The following OSTF1 variants were observed in gnomAD, a reference collection of about 807,000 sequenced individuals.
The protein encoded by OSTF1 is osteoclast-stimulating factor 1.
OSTF1 carries 27 observed loss-of-function variants against 37.2 expected under a neutral mutation model. The observed-to-expected ratio is 0.73, with a 90% CI of 0.54 to 1.00. OSTF1 has a LOEUF of 1.00. OSTF1 is among the 50% of genes least tolerant of loss of function. The pLI is 0.00. For missense variants in OSTF1, 232 were observed against 253.8 expected (o/e 0.91, Z 0.58); for synonymous variants, 82 against 89.2 (o/e 0.92, Z 0.46).
rs143736779 is a variant in OSTF1 at position 75,141,098 on chromosome 9, A to T, written c.586+166A>T. 2.6e-5 allele frequency among the ~76,000 whole-genome samples: 4 copies of T among 152,196 alleles called. No homozygotes were observed. The East Asian group carries it at 7.7e-4, about 29-fold the overall frequency. ...AGGTTCACTTGAGCCCAGGAGTTGG[A>T]GACCAGCCTGAGCAATAAAGTGAGA... On this transcript the variant is annotated intron_variant, in intron 9 of 9. Transcript: ENST00000346234.
At chr9:75,136,948 G>A (rs1036766064) in intron 7 of OSTF1, among the ~76,000 whole-genome samples, 5 of 152,168 alleles carry the variant, frequency 3.3e-5, no homozygotes, top group Non-Finnish European at 5.9e-5. Flanking sequence ...ACCTGAGAGA[G>A]GGGTCTTACT....
At position 75,093,061 on chromosome 9, in the gene OSTF1, TTTC is replaced by T. The variant is rs746477186; in HGVS notation, c.34+4338_34+4340del. Among the ~76,000 whole-genome samples, 185 of 109,614 alleles carry T rather than the reference TTTC, an allele frequency of 1.7e-3. 2 individuals are homozygous for T. The highest frequency in any genetic ancestry group is 3.8e-3 in the South Asian group (16 of 4,256). The allele number at this position is 109,614 out of a possible 152,430, so 71.9% of individuals were successfully genotyped here. ...TTCTTTCTCTCTCTCTCTTTCTTTCTTTCTTTTTTTTTTTTTGGAGATGGGATT... is the reference window on the plus strand; with the variant it reads ...TTCTTTCTCTCTCTCTCTTTCTTTCTTTTTTTTTTTTTTGGAGATGGGATT... On this transcript the variant is annotated intron_variant, in intron 1 of 9. Transcript: ENST00000346234.
Position 75,133,271 on chromosome 9 carries a change from TTGTAAA to T in OSTF1, c.251-16_251-11del. ...AGTGAAAGCTTTTTTTCTTGTGTTC[TTGTAAA>T]TGTAAAATTCTTTCAGGCAACTTGA... On this transcript the variant is annotated splice_polypyrimidine_tract_variant and intron_variant, in intron 5 of 9. Coordinates refer to ENST00000346234, the MANE Select transcript of OSTF1 (RefSeq NM_012383.5). The T allele has an allele frequency of 1.4e-6, 2 of 1,412,290 alleles. No homozygotes were observed. Among genetic ancestry groups the T allele is most frequent in the Non-Finnish European group, 2.0e-6 (2 of 1,007,100 alleles). The allele number at this position is 1,412,290 out of a possible 1,614,324, so 87.5% of individuals were successfully genotyped here.
chr9:75,142,043 C>T (rs1245573599), intron 9 of OSTF1, among the ~76,000 whole-genome samples: 1 of 152,218 alleles, frequency 6.6e-6, no homozygotes, highest in Non-Finnish European at 1.5e-5. Context: ...CCGCTGTGCC[C>T]AGCCTCCTTT....
At chr9:75,107,493 A>T (rs993540334) in intron 1 of OSTF1, among the ~76,000 whole-genome samples, 5 of 152,134 alleles carry the variant, frequency 3.3e-5, no homozygotes, top group African/African-American at 1.2e-4. Context: ...GAGCTCTAAG[A>T]TTGCTTGCAA....
chr9:75,144,299 T>C (rs1825987402), intron 9 of OSTF1, among the ~76,000 whole-genome samples: 1 of 152,134 alleles, frequency 6.6e-6, no homozygotes, highest in African/African-American at 2.4e-5. Flanking sequence ...CTCACACCTG[T>C]AATCCCAGCA....
At chr9:75,144,073 A>G (rs1379712337) in intron 9 of OSTF1, among the ~76,000 whole-genome samples, 2 of 152,184 alleles carry the variant, frequency 1.3e-5, no homozygotes, top group South Asian at 2.1e-4. Flanking sequence ...GAGTTTTCCT[A>G]TTTGTCTCTC....
intron 7 of OSTF1, among the ~76,000 whole-genome samples, chr9:75,135,972 T>G (rs1393143952): frequency 6.6e-6 from 1 of 152,220 alleles, no homozygotes; most frequent in African/African-American, 2.4e-5. Context: ...TTTTTATTTT[T>G]TAGGGGCCCA....
Position 75,140,889 on chromosome 9 carries a change from C to T in OSTF1, c.543C>T (p.Thr181=). 6.2e-7 allele frequency: 1 copy of T among 1,613,692 alleles called. No individual in the cohort carries two copies. Among genetic ancestry groups the T allele is most frequent in the Non-Finnish European group, 8.5e-7 (1 of 1,179,676 alleles). The stretch of plus-strand genomic sequence containing the variant: ...AGAAGCTGGCCTTCGACATGGCTAC[C>T]AATGCTGCCTGTGCATCTCTCCTGA... The part of the protein sequence containing the change: ...IEKKLAFDMA[T]NAACASLLKK... The change falls in exon 9 of 10, where the codon ACC becomes ACT. Residue 181 remains threonine, a synonymous_variant. Coordinates refer to ENST00000346234, the MANE Select transcript of OSTF1 (RefSeq NM_012383.5).
At chr9:75,138,376 AT>A (rs1011563347) in intron 8 of OSTF1, among the ~76,000 whole-genome samples, 4 of 152,220 alleles carry the variant, frequency 2.6e-5, no homozygotes, top group Non-Finnish European at 4.4e-5. Context: ...AAGGCCAGAC[AT>A]TATGAGGATC....
intron 7 of OSTF1, 86 bp from the exon 8 acceptor site, chr9:75,137,452 G>T: frequency 3.5e-6 from 3 of 863,784 alleles, no homozygotes; most frequent in Non-Finnish European, 5.7e-6. Context: ...TAACTTTTAG[G>T]TTTAACTGGG....
In OSTF1 at chr9:75,088,583, G is replaced by C; in HGVS notation, c.-110G>C. The C allele has an allele frequency of 8.3e-7, 1 of 1,198,080 alleles. No individual in the cohort carries two copies. Among genetic ancestry groups the C allele is most frequent in the African/African-American group, 1.5e-5 (1 of 66,330 alleles). 74.2% of individuals were successfully genotyped at this position (1,198,080 alleles called of 1,614,324 possible). ...AGGGTGGGCGCCGGTCCTAGGAGGCGCACGGTTGTAAGCCAGACAAAAAGA... is the reference window on the plus strand; with the variant it reads ...AGGGTGGGCGCCGGTCCTAGGAGGCCCACGGTTGTAAGCCAGACAAAAAGA... On this transcript the variant is annotated 5_prime_UTR_variant, in exon 1 of 10. Transcript: ENST00000346234.
At chr9:75,142,230 T>G (rs1825954941) in intron 9 of OSTF1, among the ~76,000 whole-genome samples, 1 of 152,208 alleles carries the variant, frequency 6.6e-6, no homozygotes, top group Admixed American at 6.5e-5. Context: ...TGGGTTCTAC[T>G]AAGGGAATGG....
At chr9:75,118,305 G>A (rs1825524547) in intron 2 of OSTF1, among the ~76,000 whole-genome samples, 1 of 152,218 alleles carries the variant, frequency 6.6e-6, no homozygotes, top group Non-Finnish European at 1.5e-5. Flanking sequence ...AGTGCAAGCA[G>A]CATCTTTGGT....
chr9:75,099,303 G>A (rs896409503), intron 1 of OSTF1, among the ~76,000 whole-genome samples: 7 of 150,228 alleles, frequency 4.7e-5, no homozygotes, highest in African/African-American at 1.5e-4. Context: ...TTGTTCTGTC[G>A]CCCAGGCTGG....
chr9:75,142,555 C>G (rs1328663994), intron 9 of OSTF1, among the ~76,000 whole-genome samples: 1 of 151,930 alleles, frequency 6.6e-6, no homozygotes, highest in African/African-American at 2.4e-5. Flanking sequence ...GAGAGCTTAC[C>G]CAGAAGCCTT....
intron 2 of OSTF1, among the ~76,000 whole-genome samples, chr9:75,118,307 A>G (rs1326658506): frequency 1.3e-5 from 2 of 152,234 alleles, no homozygotes; most frequent in Non-Finnish European, 1.5e-5. Context: ...TGCAAGCAGC[A>G]TCTTTGGTGG....
intron 1 of OSTF1, among the ~76,000 whole-genome samples, chr9:75,101,413 T>C (rs972290702): frequency 3.9e-5 from 6 of 152,224 alleles, no homozygotes; most frequent in African/African-American, 1.4e-4. Flanking sequence ...TCTTAGTGAG[T>C]AGATGATCTT....
rs1277991155 is a variant in OSTF1, at chr9:75,139,238, T to TACGCCATGTA, written c.488-1594_488-1593insGCCATGTAAC. 1.5e-3 allele frequency among the ~76,000 whole-genome samples: 231 copies of TACGCCATGTA among 151,772 alleles called. 3 individuals carry two copies. Among genetic ancestry groups the TACGCCATGTA allele is most frequent in the Non-Finnish European group, 2.0e-3 (138 of 67,922 alleles). On this transcript the variant is annotated intron_variant, in intron 8 of 9. Transcript: ENST00000346234. ...TTGTAGAGATGGAGTTTCGCCATGT[T>TACGCCATGTA]ACCCAGTCTGGTCTTAAACTCCTGA...
Sources: gnomAD v4.1 joint callset for allele counts (sites outside exome capture counted in the v4.1 genomes callset) on GRCh38, gnomAD v4.1.1 for gene constraint, MANE v1.5 for transcripts, NCBI Gene and HGNC (gene_info 2026-07-23, HGNC 2026-07-21) for gene names.